The following PRRC2B variants were observed in gnomAD, a reference collection of about 807,000 sequenced individuals.
PRRC2B encodes protein PRRC2B.
Under a neutral mutation model 242.3 loss-of-function variants are expected in PRRC2B, and 68 were observed. The observed-to-expected ratio is 0.28, with a 90% CI of 0.23 to 0.34. PRRC2B has a LOEUF of 0.34. PRRC2B is among the 10% of genes least tolerant of loss of function. The pLI is 1.00. For missense variants in PRRC2B, 2,835 were observed against 2,954.8 expected, an observed-to-expected ratio of 0.96 and a Z score of 0.94; for synonymous variants, 1,228 against 1,173.6, an observed-to-expected ratio of 1.05 and a Z score of -0.95.
rs1039773141 is a variant in PRRC2B, at chr9:131,447,608, A to G, written c.978-54A>G. On this transcript the variant is annotated intron_variant, in intron 8 of 31. Transcript: ENST00000683519. ...GAATTTATTTTTGGAAAGGTATTTG[A>G]TTTTGCTTCCGTCTGTATACTGGAC... 5 of 1,461,706 alleles carry G rather than the reference A, an allele frequency of 3.4e-6. No homozygotes were observed. The African/African-American group carries it at 7.1e-5, about 21-fold the overall frequency. 90.5% of individuals were successfully genotyped at this position (1,461,706 alleles called of 1,614,324 possible). A position where few individuals can be genotyped will look rare whatever the true frequency, so the allele number is the denominator to read the frequency against.
Position 131,447,154 on chromosome 9 carries a change from C to T in PRRC2B, c.925C>T (p.Arg309Cys), listed in dbSNP as rs780309024. 1.1e-5 allele frequency: 17 copies of T among 1,614,032 alleles called. No individual in the cohort carries two copies. The highest frequency in any genetic ancestry group is 4.5e-5 in the East Asian group (2 of 44,892). ...ERGSFPLPQL[R>C]LEPRVPFRQF... is the part of the protein sequence containing the mutation. Reference sequence around the variant, plus strand: ...AGGCTCTTTTCCCCTTCCTCAGCTCCGCCTTGAACCTCGAGTTCCTTTTAG... The same window carrying T: ...AGGCTCTTTTCCCCTTCCTCAGCTCTGCCTTGAACCTCGAGTTCCTTTTAG... The change falls in exon 8 of 32, where the codon CGC becomes TGC. Residue 309 changes from arginine (R) to cysteine (C), a missense_variant. By Grantham distance (180) the Arg-to-Cys change is radical. Around this residue, in one of 7 missense-constraint regions of PRRC2B, gnomAD observed 626 missense variants for 685.5 expected, o/e 0.91. Coordinates refer to ENST00000683519, the MANE Select transcript of PRRC2B (RefSeq NM_013318.4).
At chr9:131,410,983 G>C (rs1010096039) in intron 1 of PRRC2B, among the ~76,000 whole-genome samples, 4 of 151,940 alleles carry the variant, frequency 2.6e-5, no homozygotes, top group African/African-American at 7.2e-5. Context: ...TGCTTTGAAA[G>C]TTTTCTTACG....
In PRRC2B at chr9:131,481,772, C is replaced by T. The variant is rs1335591642; in HGVS notation, c.4947C>T (p.Val1649=). The T allele has an allele frequency of 6.4e-7, 1 of 1,565,402 alleles. No individual in the cohort carries two copies. ...APANDSWRKA[V]TAFSSTETGS... is the part of the protein sequence containing the mutation. Reference sequence around the variant, plus strand: ...CCAACGACTCCTGGAGGAAAGCTGTCACTGCCTTCAGCAGCACCGAGACTG... The same window carrying T: ...CCAACGACTCCTGGAGGAAAGCTGTTACTGCCTTCAGCAGCACCGAGACTG... The change falls in exon 20 of 32, where the codon GTC becomes GTT. Residue 1649 remains valine (V), a synonymous_variant. Coordinates refer to ENST00000683519, the MANE Select transcript of PRRC2B (RefSeq NM_013318.4).
At chr9:131,467,428 G>A (rs1943428840) in intron 12 of PRRC2B, 135 bp from the exon 13 acceptor site, 3 of 757,586 alleles carry the variant, frequency 4.0e-6, no homozygotes, top group Non-Finnish European at 6.3e-6. Flanking sequence ...TTGGCACAGG[G>A]CCAGGGTTCA....
At chr9:131,380,097 A>G (rs1278181091) in intron 1 of PRRC2B, among the ~76,000 whole-genome samples, 1 of 150,686 alleles carries the variant, frequency 6.6e-6, no homozygotes, top group Non-Finnish European at 1.5e-5. Flanking sequence ...GGTTTGAGCA[A>G]TTCTCCTGCC....
At position 131,459,035 on chromosome 9, in the gene PRRC2B, T is replaced by A; in HGVS notation, c.1212-129T>A. The A allele has an allele frequency of 9.7e-6, 7 of 718,022 alleles. No homozygotes were observed. In the South Asian group the frequency reaches 1.3e-4, roughly 13 times the overall value. 44.5% of individuals were successfully genotyped at this position (718,022 alleles called of 1,614,324 possible). A position where few individuals can be genotyped will look rare whatever the true frequency, so the allele number is the denominator to read the frequency against. On this transcript the variant is annotated intron_variant, in intron 10 of 31. Transcript: ENST00000683519. Reference sequence around the variant, plus strand: ...GGAATTCACATGGAAGTAGTGGGAGTGGTGGTCCATTCTAATGAAGAAAAT... The same window carrying A: ...GGAATTCACATGGAAGTAGTGGGAGAGGTGGTCCATTCTAATGAAGAAAAT...
In PRRC2B at chr9:131,487,853, C is replaced by G; in HGVS notation, c.5985-3C>G. 1 of 1,602,146 alleles carries G rather than the reference C, an allele frequency of 6.2e-7. No homozygotes were observed. The highest frequency in any genetic ancestry group is 8.5e-7 in the Non-Finnish European group (1 of 1,170,308). On this transcript the variant is annotated splice_region_variant and splice_polypyrimidine_tract_variant and intron_variant, in intron 27 of 31. Transcript: ENST00000683519. This position sits in a 1 kb window ranked among gnomAD's most constrained non-coding sequence, Gnocchi z 5.3. The stretch of plus-strand genomic sequence containing the variant: ...ATCCCGACCATCTGTCTGGCTTTTG[C>G]AGATCTCAGGTGTACATGCACCCCA...
At chr9:131,387,089 C>T (rs968252617) in intron 1 of PRRC2B, among the ~76,000 whole-genome samples, 1 of 150,070 alleles carries the variant, frequency 6.7e-6, no homozygotes, top group African/African-American at 2.4e-5. Context: ...GCCACCTCAG[C>T]CTTCCGGGTT....
At chr9:131,489,706 G>GCC in intron 28 of PRRC2B, among the ~76,000 whole-genome samples, 1 of 152,260 alleles carries the variant, frequency 6.6e-6, no homozygotes, top group Non-Finnish European at 1.5e-5. Context: ...CAGTCTCCAA[G>GCC]CCCCTGTGGC....
intron 1 of PRRC2B, among the ~76,000 whole-genome samples, chr9:131,385,147 A>ATAGGCGCCCGC (rs1412618220): frequency 1.0e-3 from 152 of 150,104 alleles, no homozygotes; most frequent in Admixed American, 2.1e-3. Context: ...AGCTGGGATT[A>ATAGGCGCCCGC]CAGGCATGAG....
intron 6 of PRRC2B, among the ~76,000 whole-genome samples, chr9:131,445,089 C>G (rs909129480): frequency 9.2e-5 from 14 of 152,116 alleles, no homozygotes; most frequent in Admixed American, 7.9e-4. Context: ...AGTCAGTGAT[C>G]ACTGTGGATG....
At chr9:131,389,542 G>C (rs991691785), upstream of PRRC2B, among the ~76,000 whole-genome samples, 5 of 150,612 alleles carry the variant, frequency 3.3e-5, 1 homozygote, top group Non-Finnish European at 5.9e-5. Flanking sequence ...TTCTTCCTCT[G>C]ACACCTTGCT....
At chr9:131,493,641 G>A (rs916053426) in intron 30 of PRRC2B, among the ~76,000 whole-genome samples, 1 of 152,278 alleles carries the variant, frequency 6.6e-6, no homozygotes, top group South Asian at 2.1e-4. Flanking sequence ...TTTTAGGGGG[G>A]TTGGGGAAAT....
intron 1 of PRRC2B, among the ~76,000 whole-genome samples, chr9:131,380,597 A>AT (rs1836743773): frequency 6.6e-6 from 1 of 151,128 alleles, no homozygotes; most frequent in Non-Finnish European, 1.5e-5. Context: ...AAAAAAAAAA[A>AT]GGCCGGCCGC....
intron 14 of PRRC2B, 60 bp downstream of exon 14, chr9:131,471,043 G>A: frequency 7.8e-7 from 1 of 1,286,444 alleles, no homozygotes; most frequent in Non-Finnish European, 1.1e-6. Flanking sequence ...GGTGGTCAAG[G>A]GTGTCCTCTC....
intron 1 of PRRC2B, 61 bp from the exon 2 acceptor site, chr9:131,430,033 G>A (rs1838080970): frequency 1.5e-6 from 1 of 653,004 alleles, no homozygotes; most frequent in Admixed American, 2.7e-5. Context: ...TTCTGCTGTA[G>A]TGACACTCTT....
chr9:131,464,674 T>C, intron 11 of PRRC2B, 89 bp from the exon 12 acceptor site: 1 of 1,215,888 alleles, frequency 8.2e-7, no homozygotes. Flanking sequence ...TTGAGGATCT[T>C]GGGAGGAGAA....
chr9:131,378,957 G>A lies in PRRC2B; in HGVS notation c.-56+5226G>A, dbSNP rs141393603. Among the ~76,000 whole-genome samples, 253 of 152,242 alleles carry A rather than the reference G, an allele frequency of 1.7e-3. 7 individuals are homozygous for A. In the East Asian group the frequency reaches 0.043, roughly 26 times the overall value. ...TGGTCTTGAACTCCTGACCTCAAGT[G>A]ATCTGCCCACCTCGGCCTTCCAACG... On this transcript the variant is annotated intron_variant, in intron 1 of 1. Coordinates refer to the PRRC2B transcript ENST00000682525.
chr9:131,440,077 GT>G (rs1295069626), intron 5 of PRRC2B, among the ~76,000 whole-genome samples: 1 of 151,714 alleles, frequency 6.6e-6, no homozygotes, highest in Non-Finnish European at 1.5e-5. Flanking sequence ...GATTGACTGA[GT>G]GATTGATTGG....
Sources: gnomAD v4.1 joint callset for allele counts (sites outside exome capture counted in the v4.1 genomes callset) on GRCh38, gnomAD v4.1.1 for gene constraint, gnomAD v4.1.1 regional missense constraint, Gnocchi (gnomAD v3.1) non-coding constraint, MANE v1.5 for transcripts, NCBI Gene and HGNC (gene_info 2026-07-23, HGNC 2026-07-21) for gene names.